GMDS: variants seen among roughly 807,000 people sequenced by gnomAD.
The protein encoded by GMDS is GDP-mannose 4,6 dehydratase.
GMDS carries 20 observed loss-of-function variants against 49.9 expected under a neutral mutation model. That is an observed-to-expected ratio of 0.40 (90% CI 0.28 to 0.58). The LOEUF (loss-of-function observed/expected upper bound fraction) is 0.58, where lower values mean the gene tolerates loss of function less well. Ranked by LOEUF, GMDS falls within the 20% of genes least tolerant of loss-of-function variation. The pLI, the probability that GMDS is intolerant of heterozygous loss-of-function variation, is 0.42. For missense variants in GMDS, 362 were observed against 481.4 expected (o/e 0.75, Z 2.32); for synonymous variants, 177 against 178.6 (o/e 0.99, Z 0.07).
intron 4 of GMDS, 80 bp from the exon 5 acceptor site, chr6:1,961,046 A>G: frequency 1.4e-6 from 1 of 698,624 alleles, no homozygotes; most frequent in South Asian, 3.2e-5. Context: ...AAAGACTACA[A>G]TTTCACACAC....
chr6:1,924,812 T>C (rs1257018069), intron 7 of GMDS, among the ~76,000 whole-genome samples: 4 of 152,198 alleles, frequency 2.6e-5, no homozygotes, highest in Non-Finnish European at 4.4e-5. Context: ...GTGAAGCTGC[T>C]TGAGCCTATA....
chr6:1,954,362 T>C (rs1763519722), intron 6 of GMDS, among the ~76,000 whole-genome samples: 1 of 152,230 alleles, frequency 6.6e-6, no homozygotes, highest in South Asian at 2.1e-4. Flanking sequence ...TGCTAAAGGC[T>C]GGAGCGGCTG....
At chr6:1,753,256 A>C (rs926067757) in intron 7 of GMDS, among the ~76,000 whole-genome samples, 2 of 152,232 alleles carry the variant, frequency 1.3e-5, no homozygotes, top group Non-Finnish European at 2.9e-5. Flanking sequence ...TCTCTGATAA[A>C]ACAGATTTTA....
At chr6:2,045,698 G>A (rs1290510918) in intron 4 of GMDS, among the ~76,000 whole-genome samples, 5 of 151,766 alleles carry the variant, frequency 3.3e-5, no homozygotes, top group African/African-American at 1.2e-4. Flanking sequence ...AACCTTTCCT[G>A]GAGTAATCCT....
chr6:1,646,135 G>A (rs145232708), intron 9 of GMDS, among the ~76,000 whole-genome samples: 3 of 152,314 alleles, frequency 2.0e-5, no homozygotes, highest in African/African-American at 4.8e-5. Context: ...CCATCCTTGA[G>A]ATTTAAAATC....
At position 1,778,890 on chromosome 6, in the gene GMDS, C is replaced by T. The variant is rs1316011471; in HGVS notation, c.772-36304G>A. Among the ~76,000 whole-genome samples the T allele has an allele frequency of 1.3e-5, 2 of 151,970 alleles. No homozygotes were observed. The highest frequency in any genetic ancestry group is 4.8e-5 in the African/African-American group (2 of 41,440). ...CAGAAATACGCCTGAAAATGTTTTT[C>T]CAACCCCAACACCCCTGCTGCCCTC... On this transcript the variant is annotated intron_variant, in intron 7 of 10. Transcript: ENST00000380815. This position sits in a 1 kb window ranked among gnomAD's most constrained non-coding sequence, Gnocchi z 4.6.
At chr6:2,140,866 C>T (rs1460923843) in intron 1 of GMDS, among the ~76,000 whole-genome samples, 1 of 152,166 alleles carries the variant, frequency 6.6e-6, no homozygotes, top group Non-Finnish European at 1.5e-5. Context: ...GAATGCATTG[C>T]TTTGGAAGAT....
At chr6:1,866,749 G>A (rs1005224297) in intron 7 of GMDS, among the ~76,000 whole-genome samples, 8 of 152,350 alleles carry the variant, frequency 5.3e-5, no homozygotes, top group African/African-American at 1.7e-4. Context: ...CAGAAAGCCT[G>A]CTAGGTGAGC....
chr6:1,690,579 G>A (rs568556495), intron 9 of GMDS, among the ~76,000 whole-genome samples: 15 of 152,172 alleles, frequency 9.9e-5, no homozygotes, highest in Admixed American at 3.9e-4. Context: ...GACAACCTAC[G>A]GAATGGGAGA....
chr6:1,899,607 AAT>A (rs1294212394), intron 7 of GMDS, among the ~76,000 whole-genome samples: 1 of 152,236 alleles, frequency 6.6e-6, no homozygotes, highest in African/African-American at 2.4e-5. Flanking sequence ...TAGTAGTTTT[AAT>A]AAGTTCACTA....
chr6:1,901,363 T>C (rs1269949983), intron 7 of GMDS, among the ~76,000 whole-genome samples: 6 of 152,244 alleles, frequency 3.9e-5, no homozygotes, highest in African/African-American at 1.4e-4. Context: ...GAGATGTTCT[T>C]GCTCACATTG....
intron 7 of GMDS, among the ~76,000 whole-genome samples, chr6:1,819,200 C>T (rs1313696944): frequency 6.6e-6 from 1 of 152,058 alleles, no homozygotes; most frequent in Non-Finnish European, 1.5e-5. Context: ...TAGCAGTGGC[C>T]ACACCTAAGA....
intron 4 of GMDS, among the ~76,000 whole-genome samples, chr6:2,067,509 A>G (rs867297667): frequency 1.1e-4 from 17 of 152,220 alleles, no homozygotes; most frequent in Middle Eastern, 3.4e-3. Flanking sequence ...AAAATTGATA[A>G]ACCGCTAGCA....
chr6:2,051,694 A>G (rs1366779002), intron 4 of GMDS, among the ~76,000 whole-genome samples: 1 of 152,206 alleles, frequency 6.6e-6, no homozygotes, highest in East Asian at 1.9e-4. Flanking sequence ...CTTTGGAAGA[A>G]TATGTTTAAG....
chr6:2,114,714 T>C (rs1774745615), intron 4 of GMDS, among the ~76,000 whole-genome samples: 1 of 152,200 alleles, frequency 6.6e-6, no homozygotes, highest in Non-Finnish European at 1.5e-5. Flanking sequence ...AAGAAATACA[T>C]ATAATGAAGA....
At chr6:1,961,310 C>T (rs1021540878) in intron 4 of GMDS, among the ~76,000 whole-genome samples, 2 of 152,140 alleles carry the variant, frequency 1.3e-5, no homozygotes, top group African/African-American at 4.8e-5. Flanking sequence ...CTGAACCAAT[C>T]TCTTTGGGGG....
At chr6:1,631,346 T>C (rs1762994801) in intron 9 of GMDS, among the ~76,000 whole-genome samples, 1 of 152,136 alleles carries the variant, frequency 6.6e-6, no homozygotes, top group South Asian at 2.1e-4. Context: ...AAAGTACTTG[T>C]CATCTGGCTT....
chr6:1,848,643 C>G (rs1315536311), intron 7 of GMDS, among the ~76,000 whole-genome samples: 1 of 152,194 alleles, frequency 6.6e-6, no homozygotes, highest in Non-Finnish European at 1.5e-5. Flanking sequence ...CTTGGTTGCT[C>G]TGTGCTTGAA....
At chr6:2,139,676 G>T (rs928912490) in intron 1 of GMDS, among the ~76,000 whole-genome samples, 7 of 152,164 alleles carry the variant, frequency 4.6e-5, no homozygotes. Flanking sequence ...AAGTCACAAA[G>T]CTATTAACTG....
Sources: gnomAD v4.1 joint callset for allele counts (sites outside exome capture counted in the v4.1 genomes callset) on GRCh38, gnomAD v4.1.1 for gene constraint, Gnocchi (gnomAD v3.1) non-coding constraint, MANE v1.5 for transcripts, NCBI Gene and HGNC (gene_info 2026-07-23, HGNC 2026-07-21) for gene names.